PRKAR2A: variants seen among roughly 807,000 people sequenced by gnomAD.
The protein encoded by PRKAR2A is protein kinase cAMP-dependent type II regulatory subunit alpha.
Under a neutral mutation model 51.9 loss-of-function variants are expected in PRKAR2A, and 29 were observed. The observed-to-expected ratio is 0.56, with a 90% CI of 0.42 to 0.76. The LOEUF is 0.76. Among genes scored for constraint, PRKAR2A ranks in the 30% least tolerant of loss-of-function variants. PRKAR2A has a pLI of 0.00. For missense variants in PRKAR2A, 445 were observed against 512.1 expected, an observed-to-expected ratio of 0.87 and a Z score of 1.26; for synonymous variants, 178 against 186.2, an observed-to-expected ratio of 0.96 and a Z score of 0.36.
chr3:48,800,672 T>G (rs533570104), intron 2 of PRKAR2A, among the ~76,000 whole-genome samples: 218 of 95,710 alleles, frequency 2.3e-3, no homozygotes, highest in Non-Finnish European at 4.1e-3. Flanking sequence ...GCATGGCTTT[T>G]CTTTTCTTTT....
chr3:48,809,288 A>C (rs2082731593), intron 1 of PRKAR2A, among the ~76,000 whole-genome samples: 1 of 152,038 alleles, frequency 6.6e-6, no homozygotes, highest in Non-Finnish European at 1.5e-5. Flanking sequence ...TCCAGAGATG[A>C]GAAAAAATCT....
chr3:48,825,398 A>G (rs1335826948), intron 1 of PRKAR2A, among the ~76,000 whole-genome samples: 1 of 152,226 alleles, frequency 6.6e-6, no homozygotes, highest in Admixed American at 6.5e-5. Context: ...TGTCTACTGC[A>G]TCACACTAAG....
At position 48,793,978 on chromosome 3, in the gene PRKAR2A, T is replaced by A. The variant is rs1427774735; in HGVS notation, c.351+19A>T. The A allele has an allele frequency of 6.4e-7, 1 of 1,570,206 alleles. No homozygotes were observed. Among genetic ancestry groups the A allele is most frequent in the Non-Finnish European group, 8.8e-7 (1 of 1,140,482 alleles). On this transcript the variant is annotated intron_variant, in intron 3 of 10. Coordinates refer to ENST00000265563, the MANE Select transcript of PRKAR2A (RefSeq NM_004157.4). ...AGAAATAGAACAATTCTACCTAACATCTTTGCTTTGGGTCTTACCCTTGGA... is the reference window on the plus strand; with the variant it reads ...AGAAATAGAACAATTCTACCTAACAACTTTGCTTTGGGTCTTACCCTTGGA...
Position 48,751,530 on chromosome 3 carries a change from T to C in PRKAR2A, c.*55A>G. The stretch of plus-strand genomic sequence containing the variant: ...ATGTCTGTTTTCTGTATGTGTTCTG[T>C]GGCTGACCAGAAGGTTTTGGTGTCA... On this transcript the variant is annotated 3_prime_UTR_variant, in exon 11 of 11. Transcript: ENST00000265563. 1 of 1,602,242 alleles carries C rather than the reference T, an allele frequency of 6.2e-7. No homozygotes were observed. The highest frequency in any genetic ancestry group is 2.2e-5 in the East Asian group (1 of 44,668).
At chr3:48,842,779 G>A (rs1426882348) in intron 1 of PRKAR2A, among the ~76,000 whole-genome samples, 2 of 152,224 alleles carry the variant, frequency 1.3e-5, no homozygotes, top group East Asian at 1.9e-4. Context: ...TGATCATGGT[G>A]GATAAGCTTT....
intron 1 of PRKAR2A, among the ~76,000 whole-genome samples, chr3:48,838,193 A>G (rs2083315312): frequency 6.6e-6 from 1 of 152,068 alleles, no homozygotes; most frequent in Non-Finnish European, 1.5e-5. Context: ...AAACAACAAC[A>G]ACACATATTA....
At chr3:48,781,615 C>A (rs1022001427) in intron 5 of PRKAR2A, among the ~76,000 whole-genome samples, 2 of 151,924 alleles carry the variant, frequency 1.3e-5, no homozygotes, top group Non-Finnish European at 2.9e-5. Context: ...CAGGTTCAAG[C>A]GATTCTCCTG....
chr3:48,791,978 A>C (rs2082396808), intron 3 of PRKAR2A, among the ~76,000 whole-genome samples: 2 of 151,692 alleles, frequency 1.3e-5, no homozygotes, highest in African/African-American at 4.8e-5. Flanking sequence ...TTAGAAAAAA[A>C]CTGTTTCACA....
At chr3:48,781,509 T>TTTTTTA (rs1204322758) in intron 5 of PRKAR2A, among the ~76,000 whole-genome samples, 1 of 151,584 alleles carries the variant, frequency 6.6e-6, no homozygotes, top group Non-Finnish European at 1.5e-5. Context: ...GCCCGGTTAC[T>TTTTTTA]TTTTTATTTT....
In PRKAR2A at chr3:48,822,031, C is replaced by A. The variant is rs144264554; in HGVS notation, c.263-14347G>T. Among the ~76,000 whole-genome samples, 212 of 152,058 alleles carry A rather than the reference C, an allele frequency of 1.4e-3. 2 individuals carry two copies. Among genetic ancestry groups the A allele is most frequent in the African/African-American group, 5.0e-3 (207 of 41,496 alleles). On this transcript the variant is annotated intron_variant, in intron 1 of 10. Transcript: ENST00000265563. Reference sequence around the variant, plus strand: ...CACTTGATGTCAGTTCGAGACCAGCCTGGCCAACATGGCGAAACCCCATCT... The same window carrying A: ...CACTTGATGTCAGTTCGAGACCAGCATGGCCAACATGGCGAAACCCCATCT...
chr3:48,803,126 T>G (rs564850750), intron 2 of PRKAR2A, among the ~76,000 whole-genome samples: 7 of 151,562 alleles, frequency 4.6e-5, no homozygotes, highest in Admixed American at 2.0e-4. Context: ...AACAGAAGAG[T>G]GAAAAAAGCA....
At chr3:48,783,136 C>T (rs2082231381) in intron 4 of PRKAR2A, 44 bp from the exon 5 acceptor site, 1 of 1,306,336 alleles carries the variant, frequency 7.7e-7, no homozygotes, top group African/African-American at 1.5e-5. Flanking sequence ...TTTACATATG[C>T]TGAAAAAAAG....
intron 1 of PRKAR2A, among the ~76,000 whole-genome samples, chr3:48,833,055 G>T (rs975078237): frequency 5.3e-5 from 8 of 152,090 alleles, no homozygotes; most frequent in Non-Finnish European, 1.0e-4. Context: ...GTAGGTTATT[G>T]AAAATGAATT....
At chr3:48,843,917 T>C (rs1207171122) in intron 1 of PRKAR2A, among the ~76,000 whole-genome samples, 4 of 150,826 alleles carry the variant, frequency 2.7e-5, no homozygotes, top group African/African-American at 9.7e-5. Context: ...ATTCAGGACA[T>C]AGGCATGGGC....
chr3:48,846,219 CTTTT>C (rs11340522), intron 1 of PRKAR2A, among the ~76,000 whole-genome samples: 4 of 127,266 alleles, frequency 3.1e-5, no homozygotes, highest in Admixed American at 8.0e-5. Flanking sequence ...TTTCCTTTTT[CTTTT>C]TTTTTTTTTT....
chr3:48,751,516 C>T lies in PRKAR2A; in HGVS notation c.*69G>A. 1 of 1,595,214 alleles carries T rather than the reference C, an allele frequency of 6.3e-7. No individual in the cohort carries two copies. The highest frequency in any genetic ancestry group is 8.6e-7 in the Non-Finnish European group (1 of 1,167,058). Reference sequence around the variant, plus strand: ...GGAACAGTTCTGTCATGTCTGTTTTCTGTATGTGTTCTGTGGCTGACCAGA... The same window carrying T: ...GGAACAGTTCTGTCATGTCTGTTTTTTGTATGTGTTCTGTGGCTGACCAGA... On this transcript the variant is annotated 3_prime_UTR_variant, in exon 11 of 11. Coordinates refer to ENST00000265563, the MANE Select transcript of PRKAR2A (RefSeq NM_004157.4).
chr3:48,780,060 G>A (rs1377405261), intron 5 of PRKAR2A, among the ~76,000 whole-genome samples: 1 of 151,350 alleles, frequency 6.6e-6, no homozygotes, highest in Non-Finnish European at 1.5e-5. Context: ...TCAGGAAGCT[G>A]AGGCAGGAGA....
chr3:48,847,641 C>A lies in PRKAR2A; in HGVS notation c.-45G>T. The A allele has an allele frequency of 7.1e-7, 1 of 1,402,806 alleles. No homozygotes were observed. The highest frequency in any genetic ancestry group is 1.6e-5 in the South Asian group (1 of 63,878). The allele number at this position is 1,402,806 out of a possible 1,614,324, so 86.9% of individuals were successfully genotyped here. A position where few individuals can be genotyped will look rare whatever the true frequency, so the allele number is the denominator to read the frequency against. On this transcript the variant is annotated 5_prime_UTR_variant, in exon 1 of 11. Transcript: ENST00000265563. The surrounding 1 kb of genome is among the most constrained non-coding windows in gnomAD (Gnocchi z 4.4). ...ATAGACGGGTTGGGCCGCCGGCGGC[C>A]ACTGTCTCCGCGCTCACTCACGCCG...
intron 2 of PRKAR2A, among the ~76,000 whole-genome samples, chr3:48,797,089 A>G (rs1188050927): frequency 6.6e-6 from 1 of 152,104 alleles, no homozygotes; most frequent in Non-Finnish European, 1.5e-5. Flanking sequence ...TCTATGTGTG[A>G]TGGCTAAAAG....
Sources: gnomAD v4.1 joint callset for allele counts (sites outside exome capture counted in the v4.1 genomes callset) on GRCh38, gnomAD v4.1.1 for gene constraint, Gnocchi (gnomAD v3.1) non-coding constraint, MANE v1.5 for transcripts, NCBI Gene and HGNC (gene_info 2026-07-23, HGNC 2026-07-21) for gene names.